Variants in CACYBP observed in about 807,000 individuals in gnomAD.
CACYBP encodes the protein calcyclin-binding protein.
A neutral mutation model predicts 29.6 loss-of-function variants in CACYBP; 11 were observed. The ratio of observed to expected loss-of-function variants is 0.37; its 90% CI spans 0.23 to 0.61. The LOEUF is 0.61. Ranked by LOEUF, CACYBP falls within the 20% of genes least tolerant of loss-of-function variation. The probability of loss-of-function intolerance (pLI) is 0.65; values close to 1 mark genes in which losing one functional copy is unlikely to be tolerated. For synonymous variants in CACYBP, 73 were observed against 88.3 expected (o/e 0.83, Z 0.97); for missense variants, 163 against 260.7 (o/e 0.63, Z 2.58).
intron 1 of CACYBP, 21 bp downstream of exon 1, chr1:175,000,216 T>C (rs1477326163): frequency 6.2e-7 from 1 of 1,601,252 alleles, no homozygotes; most frequent in Non-Finnish European, 8.5e-7. Flanking sequence ...CGGCCCCATA[T>C]TCCTTATGCC....
chr1:175,009,665 AT>A (rs1428598580), intron 5 of CACYBP, among the ~76,000 whole-genome samples: 5 of 148,490 alleles, frequency 3.4e-5, no homozygotes, highest in African/African-American at 7.3e-5. Flanking sequence ...AAAAAAAAAA[AT>A]CATGGGAAAT....
chr1:175,000,326 CT>C, intron 1 of CACYBP, 131 bp downstream of exon 1: 1 of 1,474,924 alleles, frequency 6.8e-7, no homozygotes, highest in South Asian at 1.3e-5. Context: ...AGTGCGCCGC[CT>C]TCCCGGGGGA....
chr1:175,000,090 C>G lies in CACYBP; in HGVS notation c.-91C>G. 1 of 1,510,740 alleles carries G rather than the reference C, an allele frequency of 6.6e-7. No individual in the cohort carries two copies. Among genetic ancestry groups the G allele is most frequent in the East Asian group, 2.5e-5 (1 of 40,730 alleles). The allele number at this position is 1,510,740 out of a possible 1,614,324, so 93.6% of individuals were successfully genotyped here. On this transcript the variant is annotated 5_prime_UTR_variant, in exon 1 of 6. Coordinates refer to ENST00000367679, the MANE Select transcript of CACYBP (RefSeq NM_014412.3). ...CAGCGCCGCGACTCGTGCGGGTAGG[C>G]GTCTGCGCTCGGTTTGAGGGCTCGG...
intron 1 of CACYBP, among the ~76,000 whole-genome samples, chr1:175,002,037 C>T (rs1208675676): frequency 1.3e-5 from 2 of 152,186 alleles, no homozygotes; most frequent in Non-Finnish European, 2.9e-5. Context: ...TGAGCCATGG[C>T]GCCTGGCCTT....
rs772852816 is a variant in CACYBP at position 175,008,706 on chromosome 1, A to G, written c.530A>G (p.Glu177Gly). ...TQVEKECKEK[E>G]KPSYDTETDP... ...GTTGAAAAGGAGTGCAAAGAAAAAGAGTGAGTCTACTTCCATTTTTTTAAA... is the reference window on the plus strand; with the variant it reads ...GTTGAAAAGGAGTGCAAAGAAAAAGGGTGAGTCTACTTCCATTTTTTTAAA... Residue 177 changes from glutamate to glycine, a missense_variant and splice_region_variant, in exon 5 of 6, where the codon GAG (glutamate) becomes GGG (glycine). Coordinates refer to ENST00000367679, the MANE Select transcript of CACYBP (RefSeq NM_014412.3). The G allele has an allele frequency of 1.1e-5, 16 of 1,423,898 alleles. No homozygotes were observed. The highest frequency in any genetic ancestry group is 2.3e-5 in the East Asian group (1 of 43,966). 88.2% of individuals were successfully genotyped at this position (1,423,898 alleles called of 1,614,324 possible). A position where few individuals can be genotyped will look rare whatever the true frequency, so the allele number is the denominator to read the frequency against.
At chr1:175,002,300 TC>T (rs1672512292) in intron 1 of CACYBP, among the ~76,000 whole-genome samples, 1 of 152,212 alleles carries the variant, frequency 6.6e-6, no homozygotes, top group Non-Finnish European at 1.5e-5. Context: ...GTTTTATTTT[TC>T]TTTTTCGGTT....
At chr1:175,002,991 A>G (rs982790180) in intron 1 of CACYBP, among the ~76,000 whole-genome samples, 1 of 146,498 alleles carries the variant, frequency 6.8e-6, no homozygotes, top group African/African-American at 2.4e-5. Context: ...TACAATAAAA[A>G]TATTACTTTG....
At chr1:175,001,740 T>C (rs1672493709) in intron 1 of CACYBP, among the ~76,000 whole-genome samples, 1 of 152,214 alleles carries the variant, frequency 6.6e-6, no homozygotes, top group South Asian at 2.1e-4. Context: ...TTATGGACAT[T>C]TATTTCCACT....
chr1:175,010,986 G>C lies in CACYBP; in HGVS notation c.*907G>C, dbSNP rs1225738219. 2 of 151,726 alleles carry C rather than the reference G, an allele frequency of 1.3e-5. No individual in the cohort carries two copies. Among genetic ancestry groups the C allele is most frequent in the Non-Finnish European group, 2.9e-5 (2 of 67,976 alleles). The allele number at this position is 151,726 out of a possible 1,614,324, so 9.4% of individuals were successfully genotyped here. On this transcript the variant is annotated 3_prime_UTR_variant, in exon 6 of 6. Coordinates refer to ENST00000367679, the MANE Select transcript of CACYBP (RefSeq NM_014412.3). Reference sequence around the variant, plus strand: ...ATTGAAGCCAGGCATGAAGGCTGGCGCCCGTAATCCCAGCTACTAAGGCTG... The same window carrying C: ...ATTGAAGCCAGGCATGAAGGCTGGCCCCCGTAATCCCAGCTACTAAGGCTG...
chr1:175,000,911 C>A (rs1393466744), intron 1 of CACYBP, among the ~76,000 whole-genome samples: 3 of 152,158 alleles, frequency 2.0e-5, no homozygotes, highest in Non-Finnish European at 4.4e-5. Flanking sequence ...TTAGTTTGCT[C>A]AGTTAGAAAA....
intron 1 of CACYBP, among the ~76,000 whole-genome samples, chr1:175,003,716 C>T (rs1558324328): frequency 6.6e-6 from 1 of 152,078 alleles, no homozygotes; most frequent in Non-Finnish European, 1.5e-5. Flanking sequence ...AAAAGTGAAA[C>T]AGCTGTTTGG....
chr1:175,004,418 T>C (rs1672564344), intron 1 of CACYBP, among the ~76,000 whole-genome samples, 196 bp from the exon 2 acceptor site: 1 of 152,192 alleles, frequency 6.6e-6, no homozygotes, highest in Admixed American at 6.5e-5. Context: ...AGTTTTCCTT[T>C]TGAAAAAAAG....
At position 175,010,070 on chromosome 1, in the gene CACYBP, G is replaced by A. The variant is rs529899663; in HGVS notation, c.678G>A (p.Thr226=). 7.4e-6 allele frequency: 12 copies of A among 1,612,042 alleles called. No individual in the cohort carries two copies. The highest frequency in any genetic ancestry group is 3.4e-5 in the Admixed American group (2 of 59,620). ...GAGAGAAGCAAGCCAAAGGAGACAC[G>A]GAATTTTGAGACTTTAAAGTCGTTT... ...ESREKQAKGD[T]EF The change falls in exon 6 of 6, where the codon ACG becomes ACA. Residue 226 remains threonine, a synonymous_variant. Coordinates refer to ENST00000367679, the MANE Select transcript of CACYBP (RefSeq NM_014412.3).
At position 175,006,791 on chromosome 1, in the gene CACYBP, T is replaced by G. The variant is rs764937689; in HGVS notation, c.282T>G (p.Thr94=). Residue 94 remains threonine (T), a synonymous_variant, in exon 3 of 6, where the codon ACT becomes ACG. Coordinates refer to ENST00000367679, the MANE Select transcript of CACYBP (RefSeq NM_014412.3). ...TTGTGAAAATCTACATTACCTTAACTGGAGTTCATCAAGTTCCCACTGAGA... is the reference window on the plus strand; with the variant it reads ...TTGTGAAAATCTACATTACCTTAACGGGAGTTCATCAAGTTCCCACTGAGA... ...DKFVKIYITL[T]GVHQVPTENV... 4.4e-6 allele frequency: 7 copies of G among 1,607,260 alleles called. No individual in the cohort carries two copies. In the Admixed American group the frequency reaches 8.3e-5, roughly 19 times the overall value.
intron 1 of CACYBP, chr1:175,000,659 G>GCT (rs1359895112): frequency 1.0e-6 from 1 of 984,778 alleles, no homozygotes; most frequent in Non-Finnish European, 1.2e-6. Flanking sequence ...CACACGAGGA[G>GCT]CTGTGTTACT....
rs1672675732 is a variant in CACYBP, at chr1:175,008,666, G to T, written c.490G>T (p.Asp164Tyr). The T allele has an allele frequency of 3.1e-6, 5 of 1,596,410 alleles. No individual in the cohort carries two copies. The highest frequency in any genetic ancestry group is 4.3e-6 in the Non-Finnish European group (5 of 1,164,050). ...AAAGAAAGTGGAAAACACAAGGTGG[G>T]ATTACCTGACCCAGGTTGAAAAGGA... ...CRKKVENTRW[D>Y]YLTQVEKECK... Residue 164 changes from aspartate to tyrosine, a missense_variant, in exon 5 of 6, where the codon GAT becomes TAT. Transcript: ENST00000367679.
Position 175,008,825 on chromosome 1 carries a change from G to A in CACYBP, c.530+119G>A, listed in dbSNP as rs148355689. On this transcript the variant is annotated intron_variant, in intron 5 of 5. Transcript: ENST00000367679. ...TTTCAACTGTCAAACTACCTGAAGA[G>A]GGCACGTCCAGCAAGTTGCTTTTTA... 4.5e-4 allele frequency: 291 copies of A among 652,298 alleles called. 1 individual carries two copies. The Middle Eastern group carries it at 7.8e-3, about 18-fold the overall frequency. The allele number at this position is 652,298 out of a possible 1,614,324, so 40.4% of individuals were successfully genotyped here.
In CACYBP at chr1:175,000,156, G is replaced by C. The variant is rs1369258104; in HGVS notation, c.-25G>C. Reference sequence around the variant, plus strand: ...TCCTCCTTCTGCGCGGCTGCAGCTCGGGACTTCGGCCTGACCCAGCCCCCA... The same window carrying C: ...TCCTCCTTCTGCGCGGCTGCAGCTCCGGACTTCGGCCTGACCCAGCCCCCA... On this transcript the variant is annotated 5_prime_UTR_variant, in exon 1 of 6. Coordinates refer to ENST00000367679, the MANE Select transcript of CACYBP (RefSeq NM_014412.3). 7 of 1,602,820 alleles carry C rather than the reference G, an allele frequency of 4.4e-6. No individual in the cohort carries two copies. Among genetic ancestry groups the C allele is most frequent in the Non-Finnish European group, 6.0e-6 (7 of 1,174,762 alleles).
chr1:175,005,576 A>C (rs558717980), intron 2 of CACYBP, among the ~76,000 whole-genome samples: 1 of 152,224 alleles, frequency 6.6e-6, no homozygotes, highest in Non-Finnish European at 1.5e-5. Flanking sequence ...GGAGGGGAAC[A>C]GCATGAGCAG....
Sources: allele counts gnomAD v4.1 joint callset (sites outside exome capture counted in the v4.1 genomes callset), GRCh38; gene constraint gnomAD v4.1.1; transcripts MANE v1.5; gene names NCBI Gene and HGNC (gene_info 2026-07-23, HGNC 2026-07-21).